Variants in PRKG1 observed in about 807,000 individuals in gnomAD.
The protein encoded by PRKG1 is protein kinase cGMP-dependent 1.
Under a neutral mutation model 88.1 loss-of-function variants are expected in PRKG1, and 35 were observed. The observed-to-expected ratio is 0.40, with a 90% CI of 0.30 to 0.53. The LOEUF is 0.53. PRKG1 is among the 20% of genes least tolerant of loss of function. PRKG1 has a pLI of 0.59. For missense variants in PRKG1, 540 were observed against 839.8 expected (o/e 0.64, Z 4.41); for synonymous variants, 303 against 292.5 (o/e 1.04, Z -0.37).
intron 5 of PRKG1, among the ~76,000 whole-genome samples, chr10:51,966,562 C>T (rs1210264553): frequency 6.6e-6 from 1 of 152,128 alleles, no homozygotes; most frequent in Non-Finnish European, 1.5e-5. Flanking sequence ...AAACTTTCTC[C>T]CAATTCCTTT....
At chr10:51,747,183 G>T (rs1422976084) in intron 3 of PRKG1, among the ~76,000 whole-genome samples, 1 of 152,186 alleles carries the variant, frequency 6.6e-6, no homozygotes, top group Admixed American at 6.5e-5. Context: ...TACACAGAAA[G>T]AATTCAACAT....
intron 5 of PRKG1, among the ~76,000 whole-genome samples, chr10:51,995,656 A>AG (rs370292476): frequency 3.3e-5 from 5 of 152,168 alleles, no homozygotes; most frequent in African/African-American, 7.2e-5. Flanking sequence ...TGATGTAAAA[A>AG]CAGCACAGAC....
At chr10:51,751,127 A>T (rs1589257098) in intron 3 of PRKG1, among the ~76,000 whole-genome samples, 2 of 152,284 alleles carry the variant, frequency 1.3e-5, no homozygotes, top group East Asian at 1.9e-4. Context: ...AGATTAATTC[A>T]CTTCCTCAGG....
At chr10:51,576,029 C>T (rs1396571888) in intron 3 of PRKG1, among the ~76,000 whole-genome samples, 1 of 151,904 alleles carries the variant, frequency 6.6e-6, no homozygotes, top group Admixed American at 6.6e-5. Context: ...TTAGGTCTTA[C>T]TGTGTGCCAG....
chr10:52,086,316 T>C (rs915484107), intron 7 of PRKG1, among the ~76,000 whole-genome samples: 15 of 151,750 alleles, frequency 9.9e-5, no homozygotes, highest in African/African-American at 3.4e-4. Context: ...TCTAGTTACC[T>C]CTTTCTTACA....
chr10:51,489,013 G>A (rs1022842919), intron 3 of PRKG1, among the ~76,000 whole-genome samples: 14 of 152,138 alleles, frequency 9.2e-5, no homozygotes, highest in South Asian at 2.1e-4. Context: ...AAAAACTGCC[G>A]TTGGCAGGAT....
chr10:51,969,466 C>T (rs182631191), intron 5 of PRKG1, among the ~76,000 whole-genome samples: 170 of 152,228 alleles, frequency 1.1e-3, no homozygotes, highest in Non-Finnish European at 1.8e-3. Flanking sequence ...GGATATATAA[C>T]TCAAGCCTTT....
In PRKG1 at chr10:51,262,240, T is replaced by C. The variant is rs545219856; in HGVS notation, c.478+108910T>C. ...TAAATTCCTTTATTATTATGATTAA[T>C]GTGAAATATTCTGATTTCTATATGC... On this transcript the variant is annotated intron_variant, in intron 2 of 17. Transcript: ENST00000373980. Among the ~76,000 whole-genome samples, 90 of 152,320 alleles carry C rather than the reference T, an allele frequency of 5.9e-4. 2 individuals are homozygous for C. In the South Asian group the frequency reaches 0.017, roughly 29 times the overall value.
chr10:51,521,306 A>G (rs1029194964), intron 3 of PRKG1, among the ~76,000 whole-genome samples: 1 of 152,192 alleles, frequency 6.6e-6, no homozygotes, highest in African/African-American at 2.4e-5. Context: ...ACAAAAAACT[A>G]CAGTGCCTAG....
At chr10:51,914,357 A>G (rs545807550) in intron 5 of PRKG1, among the ~76,000 whole-genome samples, 2 of 152,234 alleles carry the variant, frequency 1.3e-5, no homozygotes, top group Admixed American at 6.5e-5. Context: ...TTAAAAGTCA[A>G]TTTGAATCAG....
chr10:51,798,665 T>C (rs12242443), intron 3 of PRKG1, among the ~76,000 whole-genome samples: 12,278 of 152,174 alleles, frequency 0.081, 548 homozygotes, highest in Non-Finnish European at 0.092. Context: ...GTTTTTAAGA[T>C]AATTATGCTT....
intron 2 of PRKG1, among the ~76,000 whole-genome samples, chr10:51,261,971 C>T (rs1172031738): frequency 6.8e-6 from 1 of 148,074 alleles, no homozygotes; most frequent in East Asian, 2.0e-4. Flanking sequence ...ACTGCAAGCT[C>T]TGCCTCCCGG....
intron 1 of PRKG1, among the ~76,000 whole-genome samples, chr10:51,008,444 T>C (rs1156628585): frequency 6.6e-6 from 1 of 152,212 alleles, no homozygotes. Context: ...AGCAGAGCCA[T>C]GCTCTTTCTG....
At chr10:51,056,836 C>T (rs1739986306) in intron 1 of PRKG1, among the ~76,000 whole-genome samples, 1 of 152,116 alleles carries the variant, frequency 6.6e-6, no homozygotes, top group Non-Finnish European at 1.5e-5. Context: ...GTCTGCTTTC[C>T]CTACATTGTA....
intron 3 of PRKG1, among the ~76,000 whole-genome samples, chr10:51,732,005 G>A (rs947517800): frequency 2.4e-4 from 17 of 71,562 alleles, no homozygotes; most frequent in Admixed American, 1.4e-3. Flanking sequence ...CTCCCCCTCC[G>A]CCCCCGTCCC....
intron 3 of PRKG1, among the ~76,000 whole-genome samples, chr10:51,759,412 A>G (rs913482890): frequency 1.3e-5 from 2 of 151,906 alleles, no homozygotes; most frequent in African/African-American, 4.8e-5. Flanking sequence ...GACTACAGGC[A>G]TGCACCACCA....
At chr10:52,255,692 A>C (rs892018888) in intron 10 of PRKG1, among the ~76,000 whole-genome samples, 5 of 152,126 alleles carry the variant, frequency 3.3e-5, no homozygotes, top group African/African-American at 1.2e-4. Context: ...TCATAAGCAA[A>C]GCATGATCAG....
chr10:51,363,363 G>A (rs1842524634), intron 2 of PRKG1, among the ~76,000 whole-genome samples: 1 of 151,838 alleles, frequency 6.6e-6, no homozygotes, highest in African/African-American at 2.4e-5. Context: ...ATCTCTCACG[G>A]AATCTACCTA....
chr10:52,230,255 C>T (rs1022822211), intron 9 of PRKG1, among the ~76,000 whole-genome samples: 2 of 152,168 alleles, frequency 1.3e-5, no homozygotes, highest in Admixed American at 6.5e-5. Context: ...ACCTAGATCC[C>T]AGCCAAGGGG....
Sources: allele counts gnomAD v4.1 joint callset (sites outside exome capture counted in the v4.1 genomes callset), GRCh38; gene constraint gnomAD v4.1.1; transcripts MANE v1.5; gene names NCBI Gene and HGNC (gene_info 2026-07-23, HGNC 2026-07-21).